Variants in ZMYM5 observed in about 807,000 individuals in gnomAD.
ZMYM5 encodes the protein zinc finger MYM-type protein 5.
In ZMYM5, 41 loss-of-function variants were observed where a neutral mutation model predicts 61.8. That is an observed-to-expected ratio of 0.66 (90% CI 0.52 to 0.86). The LOEUF (loss-of-function observed/expected upper bound fraction) is 0.86, where lower values mean the gene tolerates loss of function less well. ZMYM5 is among the 40% of genes least tolerant of loss of function. The pLI is 0.00. For missense variants in ZMYM5, 706 were observed against 786.7 expected, an observed-to-expected ratio of 0.90 and a Z score of 1.23; for synonymous variants, 257 against 276.4, an observed-to-expected ratio of 0.93 and a Z score of 0.70.
At chr13:19,844,701 A>C (rs2138572517) in intron 4 of ZMYM5, among the ~76,000 whole-genome samples, 1 of 152,234 alleles carries the variant, frequency 6.6e-6, no homozygotes, top group Non-Finnish European at 1.5e-5. Context: ...GGCTCACTGC[A>C]ATCTCTGCCT....
At chr13:19,852,833 T>TA (rs1363515994) in intron 2 of ZMYM5, among the ~76,000 whole-genome samples, 1 of 152,184 alleles carries the variant, frequency 6.6e-6, no homozygotes, top group African/African-American at 2.4e-5. Context: ...GAGTAAGACT[T>TA]AAACTCAGGG....
intron 7 of ZMYM5, among the ~76,000 whole-genome samples, chr13:19,833,281 C>T (rs552788488): frequency 1.1e-3 from 173 of 152,272 alleles, no homozygotes; most frequent in Non-Finnish European, 2.0e-3. Context: ...AAGAATATTT[C>T]CAGTTTTACA....
intron 7 of ZMYM5, among the ~76,000 whole-genome samples, chr13:19,827,249 G>C (rs1435959252): frequency 1.3e-5 from 2 of 152,072 alleles, no homozygotes. Flanking sequence ...TAACTTTAAT[G>C]GTGAAATTTT....
At chr13:19,851,637 AT>A in intron 3 of ZMYM5, 51 bp downstream of exon 3, 2 of 1,548,206 alleles carry the variant, frequency 1.3e-6, no homozygotes, top group Non-Finnish European at 1.7e-6. Context: ...GTAATAATGT[AT>A]TTCAGAGTCA....
intron 1 of ZMYM5, among the ~76,000 whole-genome samples, 171 bp from the exon 2 acceptor site, chr13:19,862,637 C>A (rs753454664): frequency 5.3e-5 from 8 of 152,136 alleles, no homozygotes; most frequent in Non-Finnish European, 8.8e-5. Flanking sequence ...CTATAGGAAC[C>A]GCAACGACGA....
Position 19,852,073 on chromosome 13 carries a change from A to C in ZMYM5, c.108T>G (p.Gly36=), listed in dbSNP as rs1221993510. The change falls in exon 3 of 8, where the codon GGT becomes GGG. Residue 36 remains glycine, a synonymous_variant. Coordinates refer to ENST00000337963, the MANE Select transcript of ZMYM5 (RefSeq NM_001142684.2). The stretch of plus-strand genomic sequence containing the variant: ...TACTGACTAAAGGACAAGCTGGATG[A>C]CCAAATGAATCCCCTATGTCCATGA... The part of the protein sequence containing the change: ...TSLMDIGDSF[G]HPACPLVSRS... 1 of 1,613,838 alleles carries C rather than the reference A, an allele frequency of 6.2e-7. No homozygotes were observed.
rs575490629 is a variant in ZMYM5 at position 19,836,609 on chromosome 13, G to C, written c.1039-920C>G. Among the ~76,000 whole-genome samples the C allele has an allele frequency of 2.3e-3, 348 of 152,190 alleles. 3 individuals are homozygous for C. Among genetic ancestry groups the C allele is most frequent in the African/African-American group, 8.0e-3 (331 of 41,546 alleles). On this transcript the variant is annotated intron_variant, in intron 6 of 7. Coordinates refer to ENST00000337963, the MANE Select transcript of ZMYM5 (RefSeq NM_001142684.2). ...TATGTATGAGTCACTCATCAACAAG[G>C]ATCAACAATTTTTAGATGGTATTGT...
intron 2 of ZMYM5, among the ~76,000 whole-genome samples, chr13:19,861,789 C>G (rs1487948649): frequency 6.6e-6 from 1 of 151,698 alleles, no homozygotes; most frequent in Admixed American, 6.6e-5. Flanking sequence ...AAGTGAATAG[C>G]TGACAGAGAA....
At chr13:19,862,158 G>A (rs920997255) in intron 2 of ZMYM5, among the ~76,000 whole-genome samples, 2 of 152,038 alleles carry the variant, frequency 1.3e-5, no homozygotes, top group Non-Finnish European at 2.9e-5. Context: ...ACTTAAAAGA[G>A]AGCTAACTTT....
At chr13:19,832,364 T>C (rs749424666) in intron 7 of ZMYM5, among the ~76,000 whole-genome samples, 1 of 151,882 alleles carries the variant, frequency 6.6e-6, no homozygotes, top group African/African-American at 2.4e-5. Flanking sequence ...TCTTGCTCTG[T>C]TGCCCAGGCT....
chr13:19,826,282 G>A (rs1481873258), intron 7 of ZMYM5, among the ~76,000 whole-genome samples: 1 of 150,554 alleles, frequency 6.6e-6, no homozygotes, highest in Non-Finnish European at 1.5e-5. Context: ...AACCTGGGAG[G>A]CGGAGGTTGC....
chr13:19,824,355 G>A lies in ZMYM5; in HGVS notation c.*122C>T. ...ATTTGCTATCATACTTATTGCTAAG[G>A]AACTGCTGCAAGTTACTCTGTAGAG... On this transcript the variant is annotated 3_prime_UTR_variant, in exon 8 of 8. Coordinates refer to ENST00000337963, the MANE Select transcript of ZMYM5 (RefSeq NM_001142684.2). The A allele has an allele frequency of 2.5e-6, 2 of 784,986 alleles. No homozygotes were observed. The highest frequency in any genetic ancestry group is 3.2e-6 in the Non-Finnish European group (2 of 622,662). The allele number at this position is 784,986 out of a possible 1,614,324, so 48.6% of individuals were successfully genotyped here. A position where few individuals can be genotyped will look rare whatever the true frequency, so the allele number is the denominator to read the frequency against.
At chr13:19,860,145 AGATG>A (rs1953678888) in intron 2 of ZMYM5, among the ~76,000 whole-genome samples, 4 of 143,954 alleles carry the variant, frequency 2.8e-5, no homozygotes, top group African/African-American at 1.0e-4. Context: ...AAAGAATTAT[AGATG>A]GAGTCTCACT....
At chr13:19,831,787 CAAAAAAAAAAAAAA>C (rs1190448216) in intron 7 of ZMYM5, among the ~76,000 whole-genome samples, 1 of 36,682 alleles carries the variant, frequency 2.7e-5, no homozygotes. Context: ...GACTCTGTCT[CAAAAAAAAAAAAAA>C]AAAAAAAAAA....
At position 19,823,690 on chromosome 13, in the gene ZMYM5, A is replaced by G. The variant is rs188570757; in HGVS notation, c.*787T>C. ...GATCACAAGTATTTGGTTTAATAGCAAAAAGCTGTAGTTTCAGATCCCATT... is the reference window on the plus strand; with the variant it reads ...GATCACAAGTATTTGGTTTAATAGCGAAAAGCTGTAGTTTCAGATCCCATT... On this transcript the variant is annotated 3_prime_UTR_variant, in exon 8 of 8. Transcript: ENST00000337963. The G allele has an allele frequency of 2.3e-4, 35 of 152,304 alleles. No homozygotes were observed. Among genetic ancestry groups the G allele is most frequent in the African/African-American group, 8.4e-4 (35 of 41,584 alleles). The allele number at this position is 152,304 out of a possible 1,614,324, so 9.4% of individuals were successfully genotyped here.
intron 2 of ZMYM5, among the ~76,000 whole-genome samples, chr13:19,861,962 T>A (rs1953782540): frequency 6.6e-6 from 1 of 152,030 alleles, no homozygotes; most frequent in South Asian, 2.1e-4. Context: ...TGACAACTAG[T>A]TTATGTTATC....
intron 1 of ZMYM5, among the ~76,000 whole-genome samples, chr13:19,863,245 G>C: frequency 7.4e-6 from 1 of 135,824 alleles, no homozygotes; most frequent in East Asian, 2.5e-4. Context: ...GCTGGCGACC[G>C]CCTCACCCAA....
chr13:19,828,966 C>T lies in ZMYM5; in HGVS notation c.1252-3731G>A, dbSNP rs377337265. Among the ~76,000 whole-genome samples, 107 of 152,166 alleles carry T rather than the reference C, an allele frequency of 7.0e-4. No individual in the cohort carries two copies. The South Asian group carries it at 0.018, about 26-fold the overall frequency. ...AGCTGAAAAATTCCTATCACCTAGC[C>T]GAGTGTGGTGGCACATGCCTGCAGT... On this transcript the variant is annotated intron_variant, in intron 7 of 7. Coordinates refer to ENST00000337963, the MANE Select transcript of ZMYM5 (RefSeq NM_001142684.2).
At chr13:19,845,519 A>C (rs781253229) in intron 4 of ZMYM5, among the ~76,000 whole-genome samples, 1 of 152,200 alleles carries the variant, frequency 6.6e-6, no homozygotes, top group Non-Finnish European at 1.5e-5. Context: ...AGACCCCACA[A>C]GTTTAAAGGC....
Sources: allele counts gnomAD v4.1 joint callset (sites outside exome capture counted in the v4.1 genomes callset), GRCh38; gene constraint gnomAD v4.1.1; transcripts MANE v1.5; gene names NCBI Gene and HGNC (gene_info 2026-07-23, HGNC 2026-07-21).